ULK4: variants seen among roughly 807,000 people sequenced by gnomAD.
The protein encoded by ULK4 is unc-51 like kinase 4.
ULK4 carries 133 observed loss-of-function variants against 160.6 expected under a neutral mutation model. The ratio of observed to expected loss-of-function variants is 0.83; its 90% CI spans 0.72 to 0.96. ULK4 has a LOEUF of 0.96. Ranked by LOEUF, ULK4 falls within the 40% of genes least tolerant of loss-of-function variation. The pLI, the probability that ULK4 is intolerant of heterozygous loss-of-function variation, is 0.00. For missense variants in ULK4, 1,580 were observed against 1,499.5 expected (o/e 1.05, Z -0.89); for synonymous variants, 534 against 539.8 (o/e 0.99, Z 0.15).
intron 35 of ULK4, among the ~76,000 whole-genome samples, chr3:41,259,356 A>G (rs1375591204): frequency 6.6e-6 from 1 of 152,132 alleles, no homozygotes; most frequent in Non-Finnish European, 1.5e-5. Flanking sequence ...TCTTCTCTGG[A>G]TTTCAGCTTC....
intron 32 of ULK4, among the ~76,000 whole-genome samples, chr3:41,501,804 T>C (rs529868927): frequency 1.3e-5 from 2 of 152,182 alleles, no homozygotes; most frequent in Non-Finnish European, 2.9e-5. Flanking sequence ...AACTAATATG[T>C]CCCCAATTAT....
At position 41,463,248 on chromosome 3, in the gene ULK4, C is replaced by G; in HGVS notation, c.3232G>C (p.Val1078Leu). The G allele has an allele frequency of 6.2e-7, 1 of 1,612,010 alleles. No homozygotes were observed. Among genetic ancestry groups the G allele is most frequent in the Non-Finnish European group, 8.5e-7 (1 of 1,178,664 alleles). The part of the protein sequence containing the change: ...NMELLYEQGL[V>L]SHICNLLTET... The stretch of plus-strand genomic sequence containing the variant: ...GTGAGCAGGTTACAGATGTGACTGA[C>G]AAGTCCTGAGGGTAAAAAAGGAAAA... Residue 1078 changes from valine to leucine, a missense_variant, in exon 33 of 37, where the codon GTC becomes CTC. By Grantham distance (32) the Val-to-Leu change is conservative (BLOSUM62 1). Transcript: ENST00000301831.
chr3:41,259,184 A>G (rs2078899212), intron 35 of ULK4, among the ~76,000 whole-genome samples: 1 of 151,964 alleles, frequency 6.6e-6, no homozygotes, highest in Admixed American at 6.6e-5. Flanking sequence ...AAACTCTGCT[A>G]TGGTCACTTT....
At chr3:41,291,184 A>T (rs553238323) in intron 35 of ULK4, among the ~76,000 whole-genome samples, 1 of 152,162 alleles carries the variant, frequency 6.6e-6, no homozygotes, top group Admixed American at 6.5e-5. Context: ...TGACTGGAAT[A>T]CCTAGAATGA....
At chr3:41,430,483 G>A (rs1448894177) in intron 34 of ULK4, among the ~76,000 whole-genome samples, 2 of 152,150 alleles carry the variant, frequency 1.3e-5, no homozygotes, top group Non-Finnish European at 2.9e-5. Context: ...GGCGCCACAG[G>A]AGACTCAATC....
At chr3:41,418,345 G>A (rs545723973) in intron 34 of ULK4, among the ~76,000 whole-genome samples, 1 of 146,720 alleles carries the variant, frequency 6.8e-6, no homozygotes, top group African/African-American at 2.5e-5. Flanking sequence ...AATTTGGCGG[G>A]GGGGGGGGCA....
At chr3:41,558,854 T>TA (rs2087420787) in intron 32 of ULK4, among the ~76,000 whole-genome samples, 1 of 151,940 alleles carries the variant, frequency 6.6e-6, no homozygotes, top group Non-Finnish European at 1.5e-5. Context: ...CTCCACTTGA[T>TA]AGCTTCTATT....
At chr3:41,735,002 A>C (rs1387613547) in intron 22 of ULK4, among the ~76,000 whole-genome samples, 3 of 152,222 alleles carry the variant, frequency 2.0e-5, no homozygotes, top group Admixed American at 6.5e-5. Context: ...AGGTTTTCTC[A>C]ACCCTGTGAA....
chr3:41,458,050 T>G (rs908979096), intron 33 of ULK4, among the ~76,000 whole-genome samples: 4 of 152,186 alleles, frequency 2.6e-5, no homozygotes, highest in African/African-American at 9.6e-5. Flanking sequence ...GTTTCTGGTT[T>G]GCGTGGCAGG....
intron 31 of ULK4, among the ~76,000 whole-genome samples, chr3:41,591,943 C>A (rs1400315911): frequency 6.6e-6 from 1 of 152,166 alleles, no homozygotes; most frequent in South Asian, 2.1e-4. Context: ...AGGATCATGA[C>A]GGATGGCAGG....
chr3:41,910,838 C>A (rs1275454858), intron 11 of ULK4, among the ~76,000 whole-genome samples: 3 of 152,034 alleles, frequency 2.0e-5, no homozygotes, highest in Non-Finnish European at 4.4e-5. Flanking sequence ...TGGCACACAC[C>A]TGTAGTCATA....
chr3:41,700,879 A>G (rs2036651032), intron 27 of ULK4, among the ~76,000 whole-genome samples: 1 of 152,200 alleles, frequency 6.6e-6, no homozygotes, highest in African/African-American at 2.4e-5. Flanking sequence ...AAAAAGCAAT[A>G]CAGATTTGAA....
Position 41,835,919 on chromosome 3 carries a change from A to C in ULK4, c.1709T>G (p.Leu570Ter). 1.2e-6 allele frequency: 2 copies of C among 1,613,522 alleles called. No homozygotes were observed. The highest frequency in any genetic ancestry group is 1.7e-6 in the Non-Finnish European group (2 of 1,179,806). ...AAGGGTTGGTAAAAGGCACTGTTTT[A>C]ATTTGCTGTTCCTGAAGTTTTCCCT... The part of the protein sequence containing the change: ...LIRENFRNSK[L>*]KQCLLPTLGE... Residue 570 changes from leucine to a stop codon, truncating the protein, a stop_gained, in exon 18 of 37, where the codon TTA (leucine) becomes TGA (stop). Transcript: ENST00000301831. LOFTEE classifies it high-confidence loss of function.
At chr3:41,791,555 T>C (rs894385711) in intron 20 of ULK4, among the ~76,000 whole-genome samples, 28 of 152,144 alleles carry the variant, frequency 1.8e-4, no homozygotes, top group Admixed American at 2.0e-4. Flanking sequence ...GACTGAGAGA[T>C]GGGAGGTAGG....
chr3:41,748,256 CATAT>C (rs1176837578), intron 22 of ULK4, among the ~76,000 whole-genome samples: 1 of 149,660 alleles, frequency 6.7e-6, no homozygotes, highest in African/African-American at 2.5e-5. Context: ...ATATAGAGAT[CATAT>C]ATATATACAC....
At chr3:41,313,200 A>G (rs548520284) in intron 35 of ULK4, among the ~76,000 whole-genome samples, 74 of 152,356 alleles carry the variant, frequency 4.9e-4, no homozygotes, top group African/African-American at 1.6e-3. Context: ...GAAGGCATTT[A>G]GTGGCAATGT....
intron 35 of ULK4, among the ~76,000 whole-genome samples, chr3:41,274,917 C>T (rs1273866817): frequency 6.6e-6 from 1 of 152,122 alleles, no homozygotes; most frequent in Non-Finnish European, 1.5e-5. Flanking sequence ...GACAGCTACC[C>T]GACTCTGCTA....
intron 11 of ULK4, among the ~76,000 whole-genome samples, chr3:41,910,411 T>C (rs1312074616): frequency 6.6e-6 from 1 of 152,044 alleles, no homozygotes; most frequent in East Asian, 2.0e-4. Context: ...CTGGCCAACA[T>C]GGCAAAATCC....
intron 35 of ULK4, among the ~76,000 whole-genome samples, chr3:41,301,901 T>C (rs1021918673): frequency 2.6e-5 from 4 of 152,196 alleles, no homozygotes; most frequent in Non-Finnish European, 5.9e-5. Flanking sequence ...TTTTGATTAA[T>C]AAATATATTT....
Sources: gnomAD v4.1 joint callset for allele counts (sites outside exome capture counted in the v4.1 genomes callset) on GRCh38, gnomAD v4.1.1 for gene constraint, MANE v1.5 for transcripts, NCBI Gene and HGNC (gene_info 2026-07-23, HGNC 2026-07-21) for gene names.